The following TACC2 variants were observed in gnomAD, a reference collection of about 807,000 sequenced individuals.
The protein encoded by TACC2 is transforming acidic coiled-coil containing protein 2, also known as transforming acidic coiled-coil-containing protein 2.
A neutral mutation model predicts 227.3 loss-of-function variants in TACC2; 137 were observed. That is an observed-to-expected ratio of 0.60 (90% confidence interval 0.52 to 0.69). The LOEUF (loss-of-function observed/expected upper bound fraction) is 0.69, where lower values mean the gene tolerates loss of function less well. TACC2 is among the 30% of genes least tolerant of loss of function. The pLI is 0.00. For synonymous variants in TACC2, 1,523 were observed against 1,487.5 expected, an observed-to-expected ratio of 1.02 and a Z score of -0.55; for missense variants, 3,470 against 3,694.4, an observed-to-expected ratio of 0.94 and a Z score of 1.57.
At chr10:122,028,084 C>CTTTTTTTTTTTTTTTTT (rs59135261) in intron 2 of TACC2, among the ~76,000 whole-genome samples, 3 of 91,744 alleles carry the variant, frequency 3.3e-5, no homozygotes, top group East Asian at 3.6e-4. Context: ...TTCTTTCTTT[C>CTTTTTTTTTTTTTTTTT]TTTTTTTTTT....
At chr10:122,073,144 TATATATATAC>T (rs376075779) in intron 3 of TACC2, among the ~76,000 whole-genome samples, 5,511 of 112,072 alleles carry the variant, frequency 0.049, 467 homozygotes, top group African/African-American at 0.096. Flanking sequence ...TATATATATA[TATATATATAC>T]ACACACACAC....
intron 3 of TACC2, among the ~76,000 whole-genome samples, chr10:122,070,753 CAAAAAAA>C (rs367744186): frequency 2.0e-5 from 2 of 99,642 alleles, no homozygotes; most frequent in Non-Finnish European, 3.9e-5. Flanking sequence ...AATTCCGTCT[CAAAAAAA>C]AAAAAAAAAA....
intron 18 of TACC2, 148 bp from the exon 19 acceptor site, chr10:122,241,810 A>T (rs189634098): frequency 2.7e-6 from 2 of 733,214 alleles, no homozygotes; most frequent in Non-Finnish European, 4.9e-6. Flanking sequence ...GCACCAGGAA[A>T]ATGAGCGTGC....
intron 5 of TACC2, among the ~76,000 whole-genome samples, chr10:122,112,784 G>A (rs1383275241): frequency 6.6e-6 from 1 of 152,214 alleles, no homozygotes; most frequent in Non-Finnish European, 1.5e-5. Flanking sequence ...GCGCCTCCAG[G>A]AGCAGCGGCC....
rs530246349 is a variant in TACC2 at position 122,193,631 on chromosome 10, C to CT, written c.5835-1408dup. ...GGATCATTCGTGCCATTCAGCCACT[C>CT]TAAGTTTCCATTCTCTTAATAATTA... On this transcript the variant is annotated intron_variant, in intron 7 of 22. Transcript: ENST00000369005. Among the ~76,000 whole-genome samples the CT allele has an allele frequency of 4.7e-3, 720 of 152,322 alleles. 4 individuals are homozygous for CT. The highest frequency in any genetic ancestry group is 7.7e-3 in the Non-Finnish European group (527 of 68,020).
chr10:122,137,662 T>G (rs1490020817), intron 6 of TACC2, among the ~76,000 whole-genome samples: 1 of 152,214 alleles, frequency 6.6e-6, no homozygotes, highest in African/African-American at 2.4e-5. Context: ...ACTGGACTTG[T>G]GTCTGTGGGT....
intron 18 of TACC2, among the ~76,000 whole-genome samples, chr10:122,240,310 T>C (rs2095959611): frequency 6.6e-6 from 1 of 152,150 alleles, no homozygotes; most frequent in South Asian, 2.1e-4. Context: ...GAGGTGTTGT[T>C]TAATGGCAGA....
In TACC2 at chr10:122,085,517, A is replaced by G. The variant is rs533671771; in HGVS notation, c.3017A>G (p.Gln1006Arg). 6.2e-7 allele frequency: 1 copy of G among 1,613,488 alleles called. No individual in the cohort carries two copies. The highest frequency in any genetic ancestry group is 1.7e-5 in the Admixed American group (1 of 60,036). ...GCTGATGCCTTGGAAGAAGGCAGCC[A>G]GCATGAAGAAGCATGTCAAAGGCAT... Reference protein sequence around the residue: ...ALADALEEGSQHEEACQRHPG... With the variant: ...ALADALEEGSRHEEACQRHPG... Residue 1006 changes from glutamine to arginine, a missense_variant, in exon 4 of 23, where the codon CAG becomes CGG. Physicochemically the swap from Gln to Arg is conservative, Grantham distance 43 (BLOSUM62 1). Transcript: ENST00000369005.
chr10:122,142,138 C>T (rs563345080), intron 6 of TACC2, among the ~76,000 whole-genome samples: 37 of 152,296 alleles, frequency 2.4e-4, no homozygotes, highest in South Asian at 6.2e-4. Flanking sequence ...AATTTTTGTT[C>T]CCCCGTGGAT....
intron 3 of TACC2, among the ~76,000 whole-genome samples, chr10:122,059,836 G>T (rs1427569473): frequency 1.0e-5 from 1 of 96,680 alleles, no homozygotes; most frequent in East Asian, 3.2e-4. Context: ...CTCAAAGTGG[G>T]GTTCTGGCCC....
At chr10:122,184,396 A>T (rs1039871831) in intron 7 of TACC2, among the ~76,000 whole-genome samples, 2 of 151,654 alleles carry the variant, frequency 1.3e-5, no homozygotes, top group African/African-American at 2.4e-5. Context: ...TTTCTTCCAA[A>T]CTCCTTGTTG....
chr10:122,237,370 T>C (rs1258431408), intron 16 of TACC2, 25 bp from the exon 17 acceptor site: 30 of 1,590,140 alleles, frequency 1.9e-5, no homozygotes, highest in Non-Finnish European at 2.6e-5. Flanking sequence ...AACTGTTTTT[T>C]TTTTAATTAA....
chr10:122,185,415 C>T (rs1466063828), intron 7 of TACC2, among the ~76,000 whole-genome samples: 2 of 151,966 alleles, frequency 1.3e-5, no homozygotes, highest in Admixed American at 6.5e-5. Context: ...AGGCTGGTCT[C>T]GAACTCCTGA....
At chr10:122,059,135 C>A (rs1175525861) in intron 3 of TACC2, among the ~76,000 whole-genome samples, 3 of 149,446 alleles carry the variant, frequency 2.0e-5, no homozygotes, top group Non-Finnish European at 4.4e-5. Context: ...TCAGGCTGGT[C>A]TCGAACTCCT....
chr10:122,033,669 G>A (rs563312356), intron 2 of TACC2, among the ~76,000 whole-genome samples: 75 of 152,274 alleles, frequency 4.9e-4, no homozygotes, highest in Admixed American at 2.4e-3. Context: ...CCATCCACTG[G>A]GGAAGAGGGT....
chr10:122,171,082 A>G (rs1057124027), intron 7 of TACC2, among the ~76,000 whole-genome samples: 1 of 117,206 alleles, frequency 8.5e-6, no homozygotes, highest in African/African-American at 3.8e-5. Flanking sequence ...GCCCTTACAA[A>G]GGAAAGCAGT....
At chr10:122,032,764 T>C (rs1959140499) in intron 2 of TACC2, among the ~76,000 whole-genome samples, 1 of 151,952 alleles carries the variant, frequency 6.6e-6, no homozygotes. Context: ...TTCAAAACCT[T>C]CCTGGCCAAC....
chr10:122,093,048 T>C (rs903065815), intron 5 of TACC2, among the ~76,000 whole-genome samples: 20 of 152,134 alleles, frequency 1.3e-4, no homozygotes, highest in African/African-American at 4.8e-4. Flanking sequence ...ACCAAGCTTG[T>C]CGTTGCTGAA....
Position 122,237,302 on chromosome 10 carries a change from A to G in TACC2, c.8128-93A>G, listed in dbSNP as rs2095875507. On this transcript the variant is annotated intron_variant, in intron 16 of 22. Transcript: ENST00000369005. ...TTGATGTTCTTTGTTTCAAAACCATACAATTGGCCCATTCATGAGAGGGTG... is the reference window on the plus strand; with the variant it reads ...TTGATGTTCTTTGTTTCAAAACCATGCAATTGGCCCATTCATGAGAGGGTG... 7 of 1,232,114 alleles carry G rather than the reference A, an allele frequency of 5.7e-6. No homozygotes were observed. In the East Asian group the frequency reaches 1.8e-4, roughly 31 times the overall value. 76.3% of individuals were successfully genotyped at this position (1,232,114 alleles called of 1,614,324 possible). A position where few individuals can be genotyped will look rare whatever the true frequency, so the allele number is the denominator to read the frequency against.
Sources: gnomAD v4.1 joint callset for allele counts (sites outside exome capture counted in the v4.1 genomes callset) on GRCh38, gnomAD v4.1.1 for gene constraint, MANE v1.5 for transcripts, NCBI Gene and HGNC (gene_info 2026-07-23, HGNC 2026-07-21) for gene names.